Variants in CCDC170 observed in about 807,000 individuals in gnomAD.
CCDC170 encodes the protein coiled-coil domain containing 170.
Under a neutral mutation model 72.6 loss-of-function variants are expected in CCDC170, and 69 were observed. The observed-to-expected ratio is 0.95, with a 90% CI of 0.78 to 1.16. The LOEUF is 1.16. Among genes scored for constraint, CCDC170 ranks in the 50% most tolerant of loss-of-function variants. The pLI, the probability that CCDC170 is intolerant of heterozygous loss-of-function variation, is 0.00. For missense variants in CCDC170, 852 were observed against 832.5 expected (o/e 1.02, Z -0.29); for synonymous variants, 300 against 303.9 (o/e 0.99, Z 0.13).
At chr6:151,567,798 G>A (rs887928824) in intron 5 of CCDC170, among the ~76,000 whole-genome samples, 2 of 151,950 alleles carry the variant, frequency 1.3e-5, no homozygotes, top group Admixed American at 6.6e-5. Context: ...GAGTGAATAG[G>A]TACATACTTC....
intron 1 of CCDC170, among the ~76,000 whole-genome samples, chr6:151,499,963 G>A (rs1015967325): frequency 2.6e-5 from 4 of 152,090 alleles, no homozygotes; most frequent in Admixed American, 1.3e-4. Context: ...ATATATACCC[G>A]AAGTGAAATT....
intron 6 of CCDC170, among the ~76,000 whole-genome samples, chr6:151,578,463 A>T (rs1305945831): frequency 6.6e-6 from 1 of 152,054 alleles, no homozygotes; most frequent in Non-Finnish European, 1.5e-5. Flanking sequence ...TCCTCTATGC[A>T]TGTCGGTCTT....
intron 10 of CCDC170, among the ~76,000 whole-genome samples, chr6:151,617,507 G>A (rs1458483133): frequency 7.3e-6 from 1 of 137,356 alleles, no homozygotes; most frequent in Non-Finnish European, 1.5e-5. Context: ...ACCATCCATG[G>A]GCACAACCCC....
chr6:151,556,134 T>C (rs1782970170), intron 5 of CCDC170, among the ~76,000 whole-genome samples: 2 of 152,154 alleles, frequency 1.3e-5, no homozygotes, highest in Admixed American at 1.3e-4. Context: ...CTTATTCTCT[T>C]TTTTAGTTCT....
intron 1 of CCDC170, among the ~76,000 whole-genome samples, chr6:151,522,211 A>G (rs1008384619): frequency 2.0e-5 from 3 of 152,104 alleles, no homozygotes; most frequent in Admixed American, 2.0e-4. Context: ...CTTGCAGAAG[A>G]CAGTAGTTAC....
chr6:151,595,800 T>G (rs1375351696), intron 8 of CCDC170, among the ~76,000 whole-genome samples: 1 of 151,586 alleles, frequency 6.6e-6, no homozygotes, highest in Non-Finnish European at 1.5e-5. Context: ...GCCTGCACAA[T>G]AGAATGAGAC....
rs572738343 is a variant in CCDC170, at chr6:151,548,695, T to A, written c.774+206T>A. 4.0e-5 allele frequency among the ~76,000 whole-genome samples: 6 copies of A among 149,000 alleles called. No individual in the cohort carries two copies. In the South Asian group the frequency reaches 6.5e-4, roughly 16 times the overall value. ...AGGCCATTGGCTATATATGTACATT[T>A]AAAAATTTTTTAATTTAAATTTTAA... is the stretch of plus-strand genomic sequence containing the variant. On this transcript the variant is annotated intron_variant, in intron 5 of 10. Transcript: ENST00000239374.
chr6:151,615,475 AG>A lies in CCDC170; in HGVS notation c.1744del (p.Asp582IlefsTer2). The A allele has an allele frequency of 6.2e-7, 1 of 1,613,990 alleles. No homozygotes were observed. The highest frequency in any genetic ancestry group is 1.1e-5 in the South Asian group (1 of 91,084). On this transcript the variant is annotated frameshift_variant, in exon 10 of 11. Transcript: ENST00000239374. LOFTEE classifies it high-confidence loss of function. ...KTLEQTKAIE[D>X]LNKSRDQLEK... ...CTTTGGAACAGACTAAAGCCATTGAAGATCTAAACAAATCCAGAGACCAACT... is the reference window on the plus strand; with the variant it reads ...CTTTGGAACAGACTAAAGCCATTGAAATCTAAACAAATCCAGAGACCAACT...
At chr6:151,508,918 G>A (rs1782102123) in intron 1 of CCDC170, among the ~76,000 whole-genome samples, 1 of 151,024 alleles carries the variant, frequency 6.6e-6, no homozygotes, top group Middle Eastern at 3.2e-3. Flanking sequence ...GGAGGGCTGA[G>A]GCAAGAGAAT....
At chr6:151,536,215 A>C in intron 1 of CCDC170, 103 bp from the exon 2 acceptor site, 1 of 1,331,786 alleles carries the variant, frequency 7.5e-7, no homozygotes, top group South Asian at 1.3e-5. Context: ...CATATTTGGA[A>C]TACAAAGAAT....
intron 1 of CCDC170, among the ~76,000 whole-genome samples, chr6:151,499,889 A>T (rs9383911): frequency 0.12 from 18,703 of 152,190 alleles, 1,456 homozygotes; most frequent in East Asian, 0.37. Flanking sequence ...GCTGTTGTAA[A>T]TAATGCTGCT....
At chr6:151,526,442 A>G (rs1745644365) in intron 1 of CCDC170, among the ~76,000 whole-genome samples, 1 of 150,928 alleles carries the variant, frequency 6.6e-6, no homozygotes, top group Non-Finnish European at 1.5e-5. Context: ...GGATGGTCTC[A>G]ATCTCTTGAC....
chr6:151,509,226 C>A (rs553748422), intron 1 of CCDC170, among the ~76,000 whole-genome samples: 1 of 139,890 alleles, frequency 7.1e-6, no homozygotes, highest in Non-Finnish European at 1.6e-5. Context: ...ATCTATGTAT[C>A]TATCTATCTA....
chr6:151,542,077 G>A lies in CCDC170; in HGVS notation c.444-2495G>A, dbSNP rs188011983. ...GTAGTTTTAGTAGAGACGGGGTTTT[G>A]CCATGTTGGCCAGACTGGTCTCGAG... is the stretch of plus-strand genomic sequence containing the variant. On this transcript the variant is annotated intron_variant, in intron 3 of 10. Transcript: ENST00000239374. Among the ~76,000 whole-genome samples the A allele has an allele frequency of 1.5e-3, 232 of 151,472 alleles. 1 individual carries two copies. The highest frequency in any genetic ancestry group is 5.5e-3 in the African/African-American group (226 of 41,376).
intron 5 of CCDC170, among the ~76,000 whole-genome samples, chr6:151,558,230 GTGT>G (rs1352991895): frequency 1.4e-5 from 1 of 69,456 alleles, no homozygotes; most frequent in African/African-American, 4.9e-5. Context: ...ATTGAGATTA[GTGT>G]TTTTTTTTTT....
chr6:151,556,525 A>G (rs764487710), intron 5 of CCDC170, among the ~76,000 whole-genome samples: 10 of 152,348 alleles, frequency 6.6e-5, no homozygotes, highest in African/African-American at 2.2e-4. Flanking sequence ...TGATTCATCA[A>G]TTTGAGGCAG....
intron 10 of CCDC170, among the ~76,000 whole-genome samples, chr6:151,616,913 G>A (rs1244482411): frequency 6.6e-6 from 1 of 152,106 alleles, no homozygotes; most frequent in East Asian, 1.9e-4. Flanking sequence ...ACCCACCAAA[G>A]GCCCCACCTC....
chr6:151,551,831 C>T (rs1340562387), intron 5 of CCDC170, among the ~76,000 whole-genome samples: 1 of 152,142 alleles, frequency 6.6e-6, no homozygotes, highest in African/African-American at 2.4e-5. Context: ...TGCTGAGATT[C>T]CTGACCCATA....
intron 6 of CCDC170, among the ~76,000 whole-genome samples, chr6:151,575,296 A>T (rs989446789): frequency 1.3e-5 from 2 of 151,752 alleles, no homozygotes; most frequent in Non-Finnish European, 2.9e-5. Context: ...TCACTAACTC[A>T]AAGTTCAGGG....
Sources: allele counts gnomAD v4.1 joint callset (sites outside exome capture counted in the v4.1 genomes callset), GRCh38; gene constraint gnomAD v4.1.1; transcripts MANE v1.5; gene names NCBI Gene and HGNC (gene_info 2026-07-23, HGNC 2026-07-21).